The following FZD3 variants were observed in gnomAD, a reference collection of about 807,000 sequenced individuals.
FZD3 encodes frizzled-3.
FZD3 carries 30 observed loss-of-function variants against 60.7 expected under a neutral mutation model. The ratio of observed to expected loss-of-function variants is 0.49; its 90% confidence interval spans 0.37 to 0.67. The LOEUF is 0.67. FZD3 is among the 30% of genes least tolerant of loss of function. The pLI is 0.00. For missense variants in FZD3, 605 were observed against 838.7 expected (o/e 0.72, Z 3.44); for synonymous variants, 246 against 275.2 (o/e 0.89, Z 1.05).
intron 5 of FZD3, among the ~76,000 whole-genome samples, chr8:28,535,566 C>G (rs559108861): frequency 6.6e-6 from 1 of 152,158 alleles, no homozygotes; most frequent in East Asian, 1.9e-4. Flanking sequence ...GATGTCACTA[C>G]CTAGATTTTA....
In FZD3 at chr8:28,571,329, A is replaced by G. The variant is rs1805803910; in HGVS notation, c.*8318A>G. On this transcript the variant is annotated 3_prime_UTR_variant, in exon 8 of 8. Transcript: ENST00000240093. ...TCCCTGAACTCATCTTGTCAGCAGA[A>G]ACATTTAATGTGAAATAATTCTGTA... 1 of 152,234 alleles carries G rather than the reference A, an allele frequency of 6.6e-6. No individual in the cohort carries two copies. Among genetic ancestry groups the G allele is most frequent in the African/African-American group, 2.4e-5 (1 of 41,464 alleles). 9.4% of individuals were successfully genotyped at this position (152,234 alleles called of 1,614,324 possible).
intron 1 of FZD3, among the ~76,000 whole-genome samples, 157 bp downstream of exon 1, chr8:28,494,500 T>G (rs1258886445): frequency 1.3e-5 from 2 of 151,812 alleles, no homozygotes; most frequent in African/African-American, 4.8e-5. Flanking sequence ...TCAGGGATCG[T>G]TCCTCTCGTC....
rs1805687283 is a variant in FZD3, at chr8:28,565,294, C to T, written c.*2283C>T. The stretch of plus-strand genomic sequence containing the variant: ...TTGGAGCTGGAGTTAATGCTCAAAG[C>T]AGGCAGGTCTGAATTCCCTCATAAC... On this transcript the variant is annotated 3_prime_UTR_variant, in exon 8 of 8. Coordinates refer to ENST00000240093, the MANE Select transcript of FZD3 (RefSeq NM_017412.4). The T allele has an allele frequency of 6.6e-6, 1 of 152,178 alleles. No individual in the cohort carries two copies. The highest frequency in any genetic ancestry group is 2.1e-4 in the South Asian group (1 of 4,832). 9.4% of individuals were successfully genotyped at this position (152,178 alleles called of 1,614,324 possible).
rs1805840724 is a variant in FZD3 at position 28,573,444 on chromosome 8, A to G, written c.*10433A>G. On this transcript the variant is annotated 3_prime_UTR_variant, in exon 8 of 8. Coordinates refer to ENST00000240093, the MANE Select transcript of FZD3 (RefSeq NM_017412.4). ...TACCATTAAGTGACCTAGCTTGGAA[A>G]TCTGCCCCCTTTGCCCAAACCCATG... 6.6e-6 allele frequency: 1 copy of G among 151,948 alleles called. No homozygotes were observed. The highest frequency in any genetic ancestry group is 1.5e-5 in the Non-Finnish European group (1 of 67,962). 9.4% of individuals were successfully genotyped at this position (151,948 alleles called of 1,614,324 possible). A position where few individuals can be genotyped will look rare whatever the true frequency, so the allele number is the denominator to read the frequency against.
rs1805818995 is a variant in FZD3 at position 28,572,167 on chromosome 8, A to C, written c.*9156A>C. Reference sequence around the variant, plus strand: ...TCAGCTGTTCTCTCTTAGAGTCAGGACAAGGAGGTTTTTGCTACATGGTCG... The same window carrying C: ...TCAGCTGTTCTCTCTTAGAGTCAGGCCAAGGAGGTTTTTGCTACATGGTCG... On this transcript the variant is annotated 3_prime_UTR_variant, in exon 8 of 8. Transcript: ENST00000240093. 6.6e-6 allele frequency: 1 copy of C among 152,180 alleles called. No individual in the cohort carries two copies. The highest frequency in any genetic ancestry group is 2.1e-4 in the South Asian group (1 of 4,830). 9.4% of individuals were successfully genotyped at this position (152,180 alleles called of 1,614,324 possible).
intron 5 of FZD3, among the ~76,000 whole-genome samples, chr8:28,533,057 A>G (rs1026922612): frequency 6.6e-6 from 1 of 152,110 alleles, no homozygotes; most frequent in Non-Finnish European, 1.5e-5. Flanking sequence ...TTTGTCATTT[A>G]TATTTTTCTG....
At chr8:28,551,116 G>A (rs1357383042) in intron 5 of FZD3, among the ~76,000 whole-genome samples, 2 of 152,092 alleles carry the variant, frequency 1.3e-5, no homozygotes, top group East Asian at 3.9e-4. Flanking sequence ...ATGGCTCAAT[G>A]TATAGAGTAT....
rs192635124 is a variant in FZD3 at position 28,503,184 on chromosome 8, A to G, written c.171A>G (p.Thr57=). 35 of 1,612,512 alleles carry G rather than the reference A, an allele frequency of 2.2e-5. No homozygotes were observed. In the Admixed American group the frequency reaches 4.7e-4, roughly 21 times the overall value. ...TTCTGAATCATTATGACCAACAGAC[A>G]GCAGCTTTGGCAATGGAGGTAAGAC... ...PNLLNHYDQQ[T]AALAMEPFHP... Residue 57 remains threonine, a synonymous_variant, in exon 3 of 8, where the codon ACA becomes ACG. Coordinates refer to ENST00000240093, the MANE Select transcript of FZD3 (RefSeq NM_017412.4).
chr8:28,548,027 A>C (rs928280827), intron 5 of FZD3, among the ~76,000 whole-genome samples: 15 of 151,448 alleles, frequency 9.9e-5, no homozygotes, highest in Admixed American at 7.9e-4. Flanking sequence ...TAATTTTTGT[A>C]TTTTTAGTAG....
chr8:28,541,329 A>G (rs1435407558), intron 5 of FZD3, among the ~76,000 whole-genome samples: 1 of 152,154 alleles, frequency 6.6e-6, no homozygotes, highest in African/African-American at 2.4e-5. Context: ...CTTTTCTGGA[A>G]TTTTGGCTTT....
intron 7 of FZD3, among the ~76,000 whole-genome samples, chr8:28,562,091 G>A (rs1805623023): frequency 6.6e-6 from 1 of 152,108 alleles, no homozygotes; most frequent in African/African-American, 2.4e-5. Context: ...TAGAGCTGAA[G>A]GTACAAAGAA....
At position 28,563,663 on chromosome 8, in the gene FZD3, G is replaced by A. The variant is rs908324705; in HGVS notation, c.*652G>A. 7 of 152,242 alleles carry A rather than the reference G, an allele frequency of 4.6e-5. No individual in the cohort carries two copies. The highest frequency in any genetic ancestry group is 1.0e-4 in the Non-Finnish European group (7 of 68,078). The allele number at this position is 152,242 out of a possible 1,614,324, so 9.4% of individuals were successfully genotyped here. ...GTTTGGATTAGCAGTGGAATAAAGA[G>A]ATGGGCATTGTTTCCCCTATAATTG... On this transcript the variant is annotated 3_prime_UTR_variant, in exon 8 of 8. Transcript: ENST00000240093.
intron 6 of FZD3, 117 bp from the exon 7 acceptor site, chr8:28,555,621 A>G (rs1021223901): frequency 1.3e-5 from 9 of 671,954 alleles, no homozygotes; most frequent in Non-Finnish European, 2.4e-5. Flanking sequence ...TCAGTCCTAT[A>G]GATCTAATTT....
chr8:28,516,729 A>G (rs1267367092), intron 3 of FZD3, among the ~76,000 whole-genome samples: 1 of 152,108 alleles, frequency 6.6e-6, no homozygotes, highest in South Asian at 2.1e-4. Flanking sequence ...CTACAGTCTT[A>G]CTATTTGATT....
rs374766971 is a variant in FZD3 at position 28,524,927 on chromosome 8, T to C, written c.387-2220T>C. On this transcript the variant is annotated intron_variant, in intron 4 of 7. Transcript: ENST00000240093. ...TGTTTTATTCCCTGGAAGTATCTTC[T>C]GTTCCTACTTCATTGATCTTAACTC... Among the ~76,000 whole-genome samples the C allele has an allele frequency of 9.8e-5, 15 of 152,350 alleles. No individual in the cohort carries two copies. In the East Asian group the frequency reaches 1.5e-3, roughly 16 times the overall value.
In FZD3 at chr8:28,527,870, A is replaced by G. The variant is rs1439460726; in HGVS notation, c.1110A>G (p.Ala370=). The part of the protein sequence containing the change: ...VCFVGLYDVD[A]LRYFVLAPLC... Reference sequence around the variant, plus strand: ...TTGTTGGCCTCTACGATGTTGATGCATTGAGATATTTTGTTCTTGCTCCCC... The same window carrying G: ...TTGTTGGCCTCTACGATGTTGATGCGTTGAGATATTTTGTTCTTGCTCCCC... The change falls in exon 5 of 8, where the codon GCA becomes GCG. Residue 370 remains alanine (A), a synonymous_variant. Coordinates refer to ENST00000240093, the MANE Select transcript of FZD3 (RefSeq NM_017412.4). The surrounding 1 kb of genome is among the most constrained non-coding windows in gnomAD (Gnocchi z 5.0). The G allele has an allele frequency of 1.2e-6, 2 of 1,614,136 alleles. No individual in the cohort carries two copies. Among genetic ancestry groups the G allele is most frequent in the Non-Finnish European group, 1.7e-6 (2 of 1,179,986 alleles).
At chr8:28,520,895 T>G in intron 4 of FZD3, 61 bp downstream of exon 4, 1 of 1,130,310 alleles carries the variant, frequency 8.8e-7, no homozygotes, top group Non-Finnish European at 1.2e-6. Context: ...TAAAAGTACT[T>G]GTCTTCTTTT....
At chr8:28,524,230 A>C (rs775626738) in intron 4 of FZD3, among the ~76,000 whole-genome samples, 67 of 152,218 alleles carry the variant, frequency 4.4e-4, no homozygotes, top group Non-Finnish European at 8.7e-4. Flanking sequence ...TTGTTTCTTT[A>C]TTTAGCTTAA....
chr8:28,533,951 C>G (rs1012888717), intron 5 of FZD3, among the ~76,000 whole-genome samples: 3 of 106,586 alleles, frequency 2.8e-5, no homozygotes, highest in African/African-American at 8.9e-5. Context: ...CTGGCCTGTT[C>G]AAAAAAGATA....
Sources: gnomAD v4.1 joint callset for allele counts (sites outside exome capture counted in the v4.1 genomes callset) on GRCh38, gnomAD v4.1.1 for gene constraint, Gnocchi (gnomAD v3.1) non-coding constraint, MANE v1.5 for transcripts, NCBI Gene and HGNC (gene_info 2026-07-23, HGNC 2026-07-21) for gene names.